Variants in AGBL4 observed in about 807,000 individuals in gnomAD.
The protein encoded by AGBL4 is cytosolic carboxypeptidase 6.
A neutral mutation model predicts 66.4 loss-of-function variants in AGBL4; 58 were observed. The ratio of observed to expected loss-of-function variants is 0.87; its 90% confidence interval spans 0.71 to 1.09. The LOEUF is 1.09. Among genes scored for constraint, AGBL4 ranks in the 50% least tolerant of loss-of-function variants. The pLI, the probability that AGBL4 is intolerant of heterozygous loss-of-function variation, is 0.00. For missense variants in AGBL4, 579 were observed against 631.0 expected, an observed-to-expected ratio of 0.92 and a Z score of 0.88; for synonymous variants, 234 against 222.9, an observed-to-expected ratio of 1.05 and a Z score of -0.44.
intron 6 of AGBL4, chr1:48,758,885 T>C: frequency 6.7e-7 from 1 of 1,496,044 alleles, no homozygotes; most frequent in Non-Finnish European, 8.9e-7. Context: ...GTAGGTGACC[T>C]GCTGGGGCAC....
chr1:49,994,807 C>T, intron 1 of AGBL4: 1 of 303,392 alleles, frequency 3.3e-6, no homozygotes, highest in Non-Finnish European at 6.5e-6. Context: ...AGTTGAAAAG[C>T]TGTAAGTGCC....
chr1:49,698,134 G>A (rs561571897), intron 2 of AGBL4, among the ~76,000 whole-genome samples: 1 of 152,078 alleles, frequency 6.6e-6, no homozygotes, highest in Non-Finnish European at 1.5e-5. Flanking sequence ...AATTGTTAGA[G>A]AGGCAAGATA....
intron 3 of AGBL4, among the ~76,000 whole-genome samples, chr1:49,397,337 CA>C (rs1431216324): frequency 3.9e-5 from 6 of 152,092 alleles, no homozygotes; most frequent in African/African-American, 1.4e-4. Context: ...ATAGAAACCA[CA>C]AAAATAAGCA....
intron 6 of AGBL4, chr1:48,759,452 A>G (rs1387615433): frequency 8.0e-7 from 1 of 1,255,334 alleles, no homozygotes; most frequent in African/African-American, 1.5e-5. Flanking sequence ...TAAATGGGGA[A>G]ACATTTTATA....
Position 49,946,676 on chromosome 1 carries a change from T to C in AGBL4, c.34+77087A>G, listed in dbSNP as rs562689202. Among the ~76,000 whole-genome samples, 4 of 149,362 alleles carry C rather than the reference T, an allele frequency of 2.7e-5. No homozygotes were observed. In the South Asian group the frequency reaches 8.4e-4, roughly 31 times the overall value. On this transcript the variant is annotated intron_variant, in intron 1 of 13. Coordinates refer to ENST00000371839, the MANE Select transcript of AGBL4 (RefSeq NM_032785.4). ...GAAACAAGAACAAACCAAACCGAAA[T>C]CCAGCAGAAGAAAAGAAATAACCAA...
rs1646470734 is a variant in AGBL4, at chr1:49,459,782, G to A, written c.283-213918C>T. 2.0e-5 allele frequency among the ~76,000 whole-genome samples: 3 copies of A among 151,608 alleles called. No individual in the cohort carries two copies. In the South Asian group the frequency reaches 6.2e-4, roughly 31 times the overall value. On this transcript the variant is annotated intron_variant, in intron 3 of 13. Coordinates refer to ENST00000371839, the MANE Select transcript of AGBL4 (RefSeq NM_032785.4). Reference sequence around the variant, plus strand: ...CTATTTGTGCTCTTTCAGACTTTTTGATGTAGGTATTTATTGCTATGAATA... The same window carrying A: ...CTATTTGTGCTCTTTCAGACTTTTTAATGTAGGTATTTATTGCTATGAATA...
chr1:49,256,906 G>A (rs546757229), intron 3 of AGBL4, among the ~76,000 whole-genome samples: 35 of 152,258 alleles, frequency 2.3e-4, no homozygotes, highest in Non-Finnish European at 3.7e-4. Flanking sequence ...GGATCAATGG[G>A]TCATCCATAT....
intron 4 of AGBL4, among the ~76,000 whole-genome samples, chr1:49,160,787 G>A (rs965684003): frequency 8.5e-5 from 13 of 152,168 alleles, no homozygotes; most frequent in Non-Finnish European, 1.8e-4. Context: ...TGGCCACAGC[G>A]GCCTTGCTGA....
chr1:49,126,986 C>T (rs1410273033), intron 4 of AGBL4, among the ~76,000 whole-genome samples: 2 of 152,016 alleles, frequency 1.3e-5, no homozygotes, highest in Non-Finnish European at 2.9e-5. Context: ...AAAGCACATT[C>T]AAAAAGACTT....
At chr1:49,096,242 G>C (rs12746895) in intron 4 of AGBL4, among the ~76,000 whole-genome samples, 3,090 of 151,948 alleles carry the variant, frequency 0.02, 79 homozygotes, top group African/African-American at 0.071. Context: ...CTGTTGGTGG[G>C]ACTGTAAACT....
At chr1:49,653,703 C>G (rs562797465) in intron 3 of AGBL4, among the ~76,000 whole-genome samples, 11 of 150,620 alleles carry the variant, frequency 7.3e-5, no homozygotes, top group African/African-American at 2.7e-4. Flanking sequence ...CCAAATAGAC[C>G]AAGCAGAAGA....
chr1:49,549,393 C>T (rs187077436), intron 3 of AGBL4, among the ~76,000 whole-genome samples: 82 of 151,814 alleles, frequency 5.4e-4, no homozygotes, highest in Non-Finnish European at 1.3e-4. Context: ...TGTGCTCTTT[C>T]AATCTTTTTG....
intron 5 of AGBL4, among the ~76,000 whole-genome samples, chr1:48,986,640 T>C (rs1660198262): frequency 6.6e-6 from 1 of 151,962 alleles, no homozygotes; most frequent in Admixed American, 6.6e-5. Flanking sequence ...AGACCCACAC[T>C]CTAAGAAGCA....
At chr1:49,336,733 T>C (rs763967576) in intron 3 of AGBL4, among the ~76,000 whole-genome samples, 2 of 152,216 alleles carry the variant, frequency 1.3e-5, no homozygotes, top group Non-Finnish European at 2.9e-5. Flanking sequence ...CATTTATACT[T>C]ACTTATCATC....
chr1:49,279,406 G>T (rs1488074353), intron 3 of AGBL4, among the ~76,000 whole-genome samples: 1 of 152,138 alleles, frequency 6.6e-6, no homozygotes, highest in Non-Finnish European at 1.5e-5. Context: ...ATTAGAAAAA[G>T]GTTGACTTGT....
At chr1:48,884,849 A>G (rs1368631913) in intron 5 of AGBL4, among the ~76,000 whole-genome samples, 2 of 152,102 alleles carry the variant, frequency 1.3e-5, no homozygotes, top group African/African-American at 2.4e-5. Context: ...CAGTGCTTAT[A>G]CCAGTTGAAA....
chr1:48,817,241 T>A (rs1646201536), intron 6 of AGBL4, among the ~76,000 whole-genome samples: 1 of 152,170 alleles, frequency 6.6e-6, no homozygotes, highest in Admixed American at 6.5e-5. Flanking sequence ...AATAGTGGTA[T>A]TCTGTTAAGT....
At chr1:48,719,996 A>T (rs1647119038) in intron 6 of AGBL4, among the ~76,000 whole-genome samples, 1 of 152,098 alleles carries the variant, frequency 6.6e-6, no homozygotes, top group South Asian at 2.1e-4. Context: ...AGGCCTCATG[A>T]CCTCCTCATG....
intron 6 of AGBL4, among the ~76,000 whole-genome samples, chr1:48,786,289 G>A (rs1310397020): frequency 1.3e-5 from 2 of 152,114 alleles, no homozygotes; most frequent in Non-Finnish European, 2.9e-5. Context: ...CATAAAGTCA[G>A]TATTATTAAT....
Sources: allele counts gnomAD v4.1 joint callset (sites outside exome capture counted in the v4.1 genomes callset), GRCh38; gene constraint gnomAD v4.1.1; transcripts MANE v1.5; gene names NCBI Gene and HGNC (gene_info 2026-07-23, HGNC 2026-07-21).